NCAM2: variants seen among roughly 807,000 people sequenced by gnomAD.
The protein encoded by NCAM2 is neural cell adhesion molecule 2.
A neutral mutation model predicts 98.1 loss-of-function variants in NCAM2; 30 were observed. The ratio of observed to expected loss-of-function variants is 0.31; its 90% CI spans 0.23 to 0.41. The LOEUF (loss-of-function observed/expected upper bound fraction) is 0.41. Among genes scored for constraint, NCAM2 ranks in the 10% least tolerant of loss-of-function variants. The pLI, the probability that NCAM2 is intolerant of heterozygous loss-of-function variation, is 1.00. For synonymous variants in NCAM2, 368 were observed against 342.4 expected (o/e 1.07, Z -0.83); for missense variants, 867 against 1,005.8 (o/e 0.86, Z 1.87).
At chr21:21,494,558 A>T (rs993935770) in intron 15 of NCAM2, among the ~76,000 whole-genome samples, 1 of 151,986 alleles carries the variant, frequency 6.6e-6, no homozygotes, top group Non-Finnish European at 1.5e-5. Flanking sequence ...ATCAAAGTCA[A>T]CCAGAAATAT....
At chr21:21,040,078 T>C (rs2064873543) in intron 1 of NCAM2, among the ~76,000 whole-genome samples, 1 of 152,200 alleles carries the variant, frequency 6.6e-6, no homozygotes, top group African/African-American at 2.4e-5. Flanking sequence ...TATTTTAATT[T>C]CTGTCATACC....
At chr21:21,298,812 C>CTTTTTT (rs1454668676) in intron 5 of NCAM2, among the ~76,000 whole-genome samples, 5 of 151,484 alleles carry the variant, frequency 3.3e-5, no homozygotes, top group African/African-American at 1.2e-4. Flanking sequence ...TGTAGAAAAG[C>CTTTTTT]ATGTATTGAT....
intron 16 of NCAM2, among the ~76,000 whole-genome samples, chr21:21,523,803 A>G (rs773315212): frequency 6.6e-6 from 1 of 152,110 alleles, no homozygotes; most frequent in Non-Finnish European, 1.5e-5. Context: ...ATACTAAGGA[A>G]AGAAAATTAA....
intron 1 of NCAM2, among the ~76,000 whole-genome samples, chr21:21,110,050 A>G (rs2066424225): frequency 6.6e-6 from 1 of 152,188 alleles, no homozygotes; most frequent in Admixed American, 6.5e-5. Flanking sequence ...GCTTCAAACC[A>G]TTCCATGAAG....
At chr21:21,153,489 T>C (rs1232645851) in intron 1 of NCAM2, among the ~76,000 whole-genome samples, 6 of 151,830 alleles carry the variant, frequency 4.0e-5, no homozygotes. Flanking sequence ...AATAGAAAAG[T>C]ATGAAATATT....
At chr21:21,269,199 A>C (rs528084674) in intron 1 of NCAM2, among the ~76,000 whole-genome samples, 121 of 152,228 alleles carry the variant, frequency 7.9e-4, no homozygotes, top group African/African-American at 2.8e-3. Context: ...TATAATACTT[A>C]ATCTTGGTAC....
At chr21:21,442,173 C>G (rs530073700) in intron 12 of NCAM2, among the ~76,000 whole-genome samples, 1 of 152,210 alleles carries the variant, frequency 6.6e-6, no homozygotes, top group Non-Finnish European at 1.5e-5. Context: ...TCTAGGATCA[C>G]TCTAGCTACT....
chr21:21,419,305 CTTT>C (rs34109924), intron 11 of NCAM2, among the ~76,000 whole-genome samples: 23,186 of 99,742 alleles, frequency 0.23, 2,189 homozygotes, highest in East Asian at 0.32. Context: ...AAATAGGGAA[CTTT>C]TTTTTTTTTT....
chr21:21,194,183 A>G (rs1227155829), intron 1 of NCAM2, among the ~76,000 whole-genome samples: 10 of 152,192 alleles, frequency 6.6e-5, no homozygotes, highest in Admixed American at 6.5e-4. Flanking sequence ...AGCTTCAGCA[A>G]CAGCTCCAAT....
chr21:21,306,805 T>C (rs2073892942), intron 5 of NCAM2, among the ~76,000 whole-genome samples: 1 of 152,116 alleles, frequency 6.6e-6, no homozygotes, highest in South Asian at 2.1e-4. Flanking sequence ...CTTTCTATTT[T>C]TGTACCCATT....
At chr21:21,283,407 C>T (rs2072994806) in intron 2 of NCAM2, among the ~76,000 whole-genome samples, 2 of 151,770 alleles carry the variant, frequency 1.3e-5, no homozygotes, top group South Asian at 4.1e-4. Context: ...AAAGCAGACA[C>T]AGAAATCTTC....
In NCAM2 at chr21:21,306,851, A is replaced by G. The variant is rs557969117; in HGVS notation, c.619+14610A>G. The stretch of plus-strand genomic sequence containing the variant: ...ACCTCCTCCCCCAACCCCCTACTAC[A>G]ATTCCCAGCCCCTGTTAATTATCCT... On this transcript the variant is annotated intron_variant, in intron 5 of 17. Coordinates refer to ENST00000400546, the MANE Select transcript of NCAM2 (RefSeq NM_004540.5). Among the ~76,000 whole-genome samples, 18 of 147,904 alleles carry G rather than the reference A, an allele frequency of 1.2e-4. 1 individual carries two copies. In the South Asian group the frequency reaches 1.9e-3, roughly 16 times the overall value.
chr21:21,511,244 C>T (rs1374577093), intron 16 of NCAM2, among the ~76,000 whole-genome samples: 4 of 151,902 alleles, frequency 2.6e-5, no homozygotes, highest in Admixed American at 6.6e-5. Context: ...TTTTCATACC[C>T]ATTAACTGTT....
At chr21:21,308,857 TG>T (rs1015719855) in intron 5 of NCAM2, among the ~76,000 whole-genome samples, 1 of 152,152 alleles carries the variant, frequency 6.6e-6, no homozygotes, top group African/African-American at 2.4e-5. Context: ...TTTTCCTTTT[TG>T]TATTAATTTT....
At chr21:21,336,805 G>C (rs1373709943) in intron 7 of NCAM2, among the ~76,000 whole-genome samples, 3 of 152,198 alleles carry the variant, frequency 2.0e-5, no homozygotes, top group Non-Finnish European at 4.4e-5. Context: ...TAAAAGTAGA[G>C]ATGTTTTGAG....
chr21:21,020,760 C>G (rs975913182), intron 1 of NCAM2, among the ~76,000 whole-genome samples: 1 of 152,160 alleles, frequency 6.6e-6, no homozygotes, highest in African/African-American at 2.4e-5. Context: ...TGTATTCATC[C>G]TATTAAAGGT....
chr21:21,019,094 T>C (rs1219130241), intron 1 of NCAM2, among the ~76,000 whole-genome samples: 1 of 152,212 alleles, frequency 6.6e-6, no homozygotes, highest in Non-Finnish European at 1.5e-5. Flanking sequence ...TGAAACACTT[T>C]CCCATGCACA....
chr21:21,093,857 T>C (rs1292845763), intron 1 of NCAM2, among the ~76,000 whole-genome samples: 1 of 152,016 alleles, frequency 6.6e-6, no homozygotes. Flanking sequence ...TTTAGTTTTT[T>C]CATTTGTGCT....
chr21:21,515,960 T>C (rs569915740), intron 16 of NCAM2, among the ~76,000 whole-genome samples: 1 of 152,308 alleles, frequency 6.6e-6, no homozygotes, highest in South Asian at 2.1e-4. Context: ...AAATCTAAAA[T>C]TATGTCACTC....
Sources: gnomAD v4.1 joint callset for allele counts (sites outside exome capture counted in the v4.1 genomes callset) on GRCh38, gnomAD v4.1.1 for gene constraint, MANE v1.5 for transcripts, NCBI Gene and HGNC (gene_info 2026-07-23, HGNC 2026-07-21) for gene names.